The following FAM135B variants were observed in gnomAD, a reference collection of about 807,000 sequenced individuals.
FAM135B encodes protein FAM135B.
In FAM135B, 43 loss-of-function variants were observed where a neutral mutation model predicts 127.7. The observed-to-expected ratio is 0.34, with a 90% confidence interval of 0.26 to 0.43. FAM135B has a LOEUF of 0.43. Among genes scored for constraint, FAM135B ranks in the 20% least tolerant of loss-of-function variants. FAM135B has a pLI of 1.00. For missense variants in FAM135B, 1,558 were observed against 1,725.6 expected (o/e 0.90, Z 1.72); for synonymous variants, 670 against 665.1 (o/e 1.01, Z -0.11).
chr8:138,224,053 G>T (rs922659158), intron 7 of FAM135B, among the ~76,000 whole-genome samples: 1 of 152,082 alleles, frequency 6.6e-6, no homozygotes, highest in South Asian at 2.1e-4. Flanking sequence ...GGGGGGCAAG[G>T]GTTGAAAAAT....
chr8:138,334,524 C>T (rs1428495930), intron 2 of FAM135B, among the ~76,000 whole-genome samples: 4 of 152,114 alleles, frequency 2.6e-5, no homozygotes, highest in Admixed American at 6.5e-5. Context: ...GTTATTTTTC[C>T]TGATATTCTT....
chr8:138,302,299 C>A (rs1245321726), intron 3 of FAM135B, among the ~76,000 whole-genome samples: 1 of 152,122 alleles, frequency 6.6e-6, no homozygotes, highest in Admixed American at 6.5e-5. Context: ...CTCTCTTCCA[C>A]CCACAAGGCG....
chr8:138,446,843 G>T (rs1257805952), intron 1 of FAM135B, among the ~76,000 whole-genome samples: 1 of 151,674 alleles, frequency 6.6e-6, no homozygotes, highest in East Asian at 1.9e-4. Flanking sequence ...CACAGCAAAA[G>T]AAACTACCAT....
chr8:138,135,160 A>G (rs6421007), intron 19 of FAM135B, among the ~76,000 whole-genome samples: 123,749 of 152,166 alleles, frequency 0.81, 50,660 homozygotes, highest in East Asian at 1. Context: ...AAAATGAGAG[A>G]TGGGTTGAAT....
At chr8:138,183,293 C>T (rs1815251641) in intron 9 of FAM135B, among the ~76,000 whole-genome samples, 1 of 152,164 alleles carries the variant, frequency 6.6e-6, no homozygotes, top group African/African-American at 2.4e-5. Context: ...GTAACTAAGG[C>T]ACTTGAAGGT....
At chr8:138,206,345 A>AGCTCTATCATCCCATCC (rs1817594821) in intron 7 of FAM135B, among the ~76,000 whole-genome samples, 18 of 141,672 alleles carry the variant, frequency 1.3e-4, no homozygotes, top group South Asian at 2.2e-4. Flanking sequence ...ACCTACCCAC[A>AGCTCTATCATCCCATCC]ACTCCAGCAT....
chr8:138,419,324 A>G (rs1834353350), intron 1 of FAM135B, among the ~76,000 whole-genome samples: 1 of 152,196 alleles, frequency 6.6e-6, no homozygotes, highest in Admixed American at 6.5e-5. Context: ...CTAAATACAT[A>G]TGCACCCAAC....
rs1818310488 is a variant in FAM135B at position 138,152,865 on chromosome 8, G to A, written c.1610C>T (p.Ser537Phe). The A allele has an allele frequency of 6.2e-7, 1 of 1,614,202 alleles. No homozygotes were observed. The highest frequency in any genetic ancestry group is 8.5e-7 in the Non-Finnish European group (1 of 1,180,036). The change falls in exon 13 of 20, where the codon TCT becomes TTT. Residue 537 changes from serine to phenylalanine, a missense_variant. Around this residue, in one of 5 missense-constraint regions of FAM135B, gnomAD observed 923 missense variants for 865.3 expected, o/e 1.07. Transcript: ENST00000395297. ...ATCCTCTGGACCTGGACTCCTTCTA[G>A]AAGTATCCACATCTGCCACTGGATA... is the stretch of plus-strand genomic sequence containing the variant. ...GTYPVADVDT[S>F]RRSPGPEDGQ...
chr8:138,183,971 C>A (rs1586712006), intron 9 of FAM135B, among the ~76,000 whole-genome samples: 1 of 152,276 alleles, frequency 6.6e-6, no homozygotes, highest in Non-Finnish European at 1.5e-5. Flanking sequence ...CTCAGTGGAG[C>A]AGGAACAAAG....
chr8:138,283,142 G>A (rs1173993551), intron 3 of FAM135B, among the ~76,000 whole-genome samples: 10 of 152,030 alleles, frequency 6.6e-5, no homozygotes, highest in South Asian at 4.2e-4. Flanking sequence ...CTCGTGACCC[G>A]CCCACCTCAG....
rs371830217 is a variant in FAM135B, at chr8:138,391,440, T to C, written c.-19-23438A>G. ...ACTTCTCCCATCCACCAGCCTCACA[T>C]AGATCTTCCTGGTTTCCAGAACAGT... On this transcript the variant is annotated intron_variant, in intron 1 of 19. Coordinates refer to ENST00000395297, the MANE Select transcript of FAM135B (RefSeq NM_015912.4). 1.9e-4 allele frequency among the ~76,000 whole-genome samples: 29 copies of C among 152,170 alleles called. No homozygotes were observed. The South Asian group carries it at 3.1e-3, about 16-fold the overall frequency.
rs766848974 is a variant in FAM135B, at chr8:138,197,549, G to A, written c.790C>T (p.Arg264Trp). The change falls in exon 8 of 20, where the codon CGG becomes TGG. Residue 264 changes from arginine to tryptophan, a missense_variant. By Grantham distance (101) the Arg-to-Trp change is moderately radical. This residue lies in a region of FAM135B where 127 missense variants were observed against 109.7 expected (regional missense o/e 1.16). Coordinates refer to ENST00000395297, the MANE Select transcript of FAM135B (RefSeq NM_015912.4). ...GLRLHFLVIM[R>W]DIPELPHTEL... is the part of the protein sequence containing the mutation. ...GTGTGTGGCAGCTCTGGGATGTCCCGCATGATCACCAGGAAGTGGAGACGG... is the reference window on the plus strand; with the variant it reads ...GTGTGTGGCAGCTCTGGGATGTCCCACATGATCACCAGGAAGTGGAGACGG... 15 of 1,613,950 alleles carry A rather than the reference G, an allele frequency of 9.3e-6. No individual in the cohort carries two copies. The highest frequency in any genetic ancestry group is 2.7e-5 in the African/African-American group (2 of 74,908).
intron 7 of FAM135B, among the ~76,000 whole-genome samples, chr8:138,206,484 C>T (rs78219694): frequency 2.2e-5 from 1 of 45,384 alleles, no homozygotes; most frequent in African/African-American, 7.2e-5. Flanking sequence ...CACCTACACA[C>T]AGCTCTATCA....
chr8:138,184,172 C>T lies in FAM135B; in HGVS notation c.874-5482G>A, dbSNP rs542296175. Reference sequence around the variant, plus strand: ...AAAAACAAGGTGAGATGGGATAGCCCGGGCAGAGGCCATAGCTTGCAGAAA... The same window carrying T: ...AAAAACAAGGTGAGATGGGATAGCCTGGGCAGAGGCCATAGCTTGCAGAAA... On this transcript the variant is annotated intron_variant, in intron 9 of 19. Transcript: ENST00000395297. 3.9e-5 allele frequency among the ~76,000 whole-genome samples: 6 copies of T among 152,236 alleles called. No individual in the cohort carries two copies. In the East Asian group the frequency reaches 7.7e-4, roughly 20 times the overall value.
intron 1 of FAM135B, among the ~76,000 whole-genome samples, chr8:138,413,695 T>G (rs1833987628): frequency 6.6e-6 from 1 of 152,026 alleles, no homozygotes; most frequent in Admixed American, 6.6e-5. Context: ...ATCTGAAAGC[T>G]ACTCAATTCT....
intron 3 of FAM135B, among the ~76,000 whole-genome samples, chr8:138,284,873 G>A (rs1035922680): frequency 6.6e-6 from 1 of 151,670 alleles, no homozygotes; most frequent in Admixed American, 6.6e-5. Flanking sequence ...CCTCTGTAAA[G>A]GGAGGTTTGT....
intron 4 of FAM135B, among the ~76,000 whole-genome samples, chr8:138,262,680 C>T (rs1384498490): frequency 4.6e-5 from 7 of 151,976 alleles, no homozygotes; most frequent in East Asian, 3.9e-4. Context: ...GCGGGTGGAT[C>T]GCGAGGTCAG....
At chr8:138,413,561 T>C (rs1367365073) in intron 1 of FAM135B, among the ~76,000 whole-genome samples, 1 of 152,218 alleles carries the variant, frequency 6.6e-6, no homozygotes, top group Admixed American at 6.5e-5. Context: ...ACAACCATAG[T>C]ATATTCATCT....
intron 1 of FAM135B, among the ~76,000 whole-genome samples, chr8:138,406,233 G>C (rs893303711): frequency 2.0e-5 from 3 of 151,892 alleles, no homozygotes; most frequent in Non-Finnish European, 2.9e-5. Context: ...GATCCCATTT[G>C]TCAATTTTGG....
Sources: allele counts gnomAD v4.1 joint callset (sites outside exome capture counted in the v4.1 genomes callset), GRCh38; gene constraint gnomAD v4.1.1; regional missense constraint gnomAD v4.1.1; transcripts MANE v1.5; gene names NCBI Gene and HGNC (gene_info 2026-07-23, HGNC 2026-07-21).